Variants in CHLSN observed in about 807,000 individuals in gnomAD.
CHLSN encodes the protein cholesin, also known as protein cholesin.
At chr7:1,094,556 G>A in the CHLSN span, among the ~76,000 whole-genome samples, 5 of 152,198 alleles carry the variant, frequency 3.3e-5, no homozygotes, top group Admixed American at 1.3e-4. Context: ...AAGACTGAAC[G>A]CAGCCATGTT....
the CHLSN span, among the ~76,000 whole-genome samples, chr7:1,123,921 G>C: frequency 2.6e-5 from 4 of 151,522 alleles, no homozygotes; most frequent in Non-Finnish European, 4.4e-5. This position sits in a 1 kb window ranked among gnomAD's most constrained non-coding sequence, Gnocchi z 4.4. Context: ...CCCGCTGCCA[G>C]CTCCTCCAAA....
chr7:1,014,034 C>T, the CHLSN span, among the ~76,000 whole-genome samples: 1 of 152,234 alleles, frequency 6.6e-6, no homozygotes, highest in African/African-American at 2.4e-5. Context: ...CCTGTCACTG[C>T]ACCTACGCTG....
At chr7:988,849 T>G in the CHLSN span, 1 of 1,385,268 alleles carries the variant, frequency 7.2e-7, no homozygotes, top group Non-Finnish European at 9.7e-7. Context: ...CAGGTCCTCC[T>G]GACCACTCCC....
the CHLSN span, among the ~76,000 whole-genome samples, chr7:1,016,949 C>CGCACAG: frequency 1.7e-5 from 2 of 115,924 alleles, no homozygotes; most frequent in Non-Finnish European, 1.8e-5. Context: ...CCAGCACACG[C>CGCACAG]CAGCGCACAG....
the CHLSN span, among the ~76,000 whole-genome samples, chr7:1,032,612 G>T: frequency 2.1e-5 from 3 of 145,328 alleles, no homozygotes; most frequent in Non-Finnish European, 1.5e-5. Context: ...CTCAGAGGCC[G>T]CAGCCACCCG....
At chr7:1,036,841 G>A in the CHLSN span, among the ~76,000 whole-genome samples, 1 of 148,302 alleles carries the variant, frequency 6.7e-6, no homozygotes, top group Non-Finnish European at 1.5e-5. Context: ...CAAGCGTGGT[G>A]GCTCATGCCT....
At chr7:1,114,955 T>C in the CHLSN span, among the ~76,000 whole-genome samples, 4 of 152,196 alleles carry the variant, frequency 2.6e-5, no homozygotes, top group Admixed American at 2.0e-4. Flanking sequence ...AGCAACCCCA[T>C]AAGCACCAAA....
chr7:1,103,230 C>T, the CHLSN span, among the ~76,000 whole-genome samples: 1 of 152,218 alleles, frequency 6.6e-6, no homozygotes, highest in Non-Finnish European at 1.5e-5. Flanking sequence ...ACGCCCGACC[C>T]TGTGGTAAAA....
the CHLSN span, among the ~76,000 whole-genome samples, chr7:1,007,629 G>C: frequency 6.6e-6 from 1 of 152,210 alleles, no homozygotes; most frequent in Non-Finnish European, 1.5e-5. Flanking sequence ...GCCTCCTGGT[G>C]TGTGGATCCC....
chr7:1,012,041 G>GGCCCACAGCC, the CHLSN span, among the ~76,000 whole-genome samples: 1 of 152,112 alleles, frequency 6.6e-6, no homozygotes, highest in Non-Finnish European at 1.5e-5. Flanking sequence ...TCACCTCCTA[G>GGCCCACAGCC]GCCCACAGCC....
chr7:1,128,797 G>C, the CHLSN span, among the ~76,000 whole-genome samples: 1 of 14,072 alleles, frequency 7.1e-5, no homozygotes. Context: ...ACCCGGGCTG[G>C]AGTGCAGTGG....
chr7:1,019,210 AACGG>A, the CHLSN span, among the ~76,000 whole-genome samples: 34 of 69,822 alleles, frequency 4.9e-4, no homozygotes, highest in African/African-American at 1.9e-3. Flanking sequence ...AAAAAAAAAA[AACGG>A]GGGGGGGGGA....
chr7:1,028,127 C>A, the CHLSN span: 8 of 388,674 alleles, frequency 2.1e-5, no homozygotes, highest in Non-Finnish European at 2.5e-5. Flanking sequence ...CGGAGCGGGG[C>A]CCGCAGCAGC....
the CHLSN span, among the ~76,000 whole-genome samples, chr7:1,136,391 T>TATATAAATATATAC: frequency 3.5e-5 from 1 of 28,762 alleles, no homozygotes; most frequent in African/African-American, 3.0e-4. Flanking sequence ...TATATAAACA[T>TATATAAATATATAC]ATATATAAAT....
At chr7:1,065,502 C>G in the CHLSN span, among the ~76,000 whole-genome samples, 1 of 152,252 alleles carries the variant, frequency 6.6e-6, no homozygotes, top group East Asian at 1.9e-4. Flanking sequence ...CCACCGGGGA[C>G]AGGCGCGGCA....
chr7:1,038,094 C>T, the CHLSN span, among the ~76,000 whole-genome samples: 1 of 123,646 alleles, frequency 8.1e-6, no homozygotes, highest in Admixed American at 7.8e-5. Flanking sequence ...GCCCGGCAGC[C>T]ACCCCATCTG....
the CHLSN span, chr7:1,058,471 GGCACT>G: frequency 1.3e-6 from 1 of 780,268 alleles, no homozygotes; most frequent in Non-Finnish European, 2.4e-6. Flanking sequence ...TGCGGGGACC[GGCACT>G]GCTCCCCGGA....
At chr7:1,008,883 C>T in the CHLSN span, among the ~76,000 whole-genome samples, 12 of 110,950 alleles carry the variant, frequency 1.1e-4, 1 homozygote, top group East Asian at 1.7e-3. Context: ...ACGCAACACT[C>T]GTATACACAT....
the CHLSN span, chr7:1,026,265 T>C: frequency 1.3e-5 from 2 of 152,228 alleles, no homozygotes; most frequent in Non-Finnish European, 2.9e-5. Context: ...ATTGGACCAG[T>C]TGAGGGTGGA....
Sources: allele counts gnomAD v4.1 joint callset (sites outside exome capture counted in the v4.1 genomes callset), GRCh38; gene constraint gnomAD v4.1.1; non-coding constraint Gnocchi (gnomAD v3.1); transcripts MANE v1.5; gene names NCBI Gene and HGNC (gene_info 2026-07-23, HGNC 2026-07-21).